Variants in ADAMTS12 observed in about 807,000 individuals in gnomAD.
ADAMTS12 encodes the protein ADAM metallopeptidase with thrombospondin type 1 motif 12, also known as A disintegrin and metalloproteinase with thrombospondin motifs 12.
A neutral mutation model predicts 167.8 loss-of-function variants in ADAMTS12; 118 were observed. The observed-to-expected ratio is 0.70, with a 90% CI of 0.61 to 0.82. The LOEUF is 0.82. Among genes scored for constraint, ADAMTS12 ranks in the 40% least tolerant of loss-of-function variants. ADAMTS12 has a pLI of 0.00. For missense variants in ADAMTS12, 1,916 were observed against 1,998.8 expected (o/e 0.96, Z 0.79); for synonymous variants, 704 against 716.9 (o/e 0.98, Z 0.29).
intron 3 of ADAMTS12, among the ~76,000 whole-genome samples, chr5:33,724,090 G>A (rs76028710): frequency 0.019 from 2,888 of 152,278 alleles, 98 homozygotes; most frequent in African/African-American, 0.067. Context: ...CTCCTATGCT[G>A]TTGACCAACA....
chr5:33,573,603 G>A (rs1746507758), intron 19 of ADAMTS12, among the ~76,000 whole-genome samples: 1 of 152,134 alleles, frequency 6.6e-6, no homozygotes, highest in Non-Finnish European at 1.5e-5. Context: ...ATTCAAGATG[G>A]ATTAAAGACT....
intron 3 of ADAMTS12, among the ~76,000 whole-genome samples, chr5:33,713,355 C>T (rs906607242): frequency 6.6e-6 from 1 of 152,050 alleles, no homozygotes. Context: ...CAGAAACCAC[C>T]AACATACAAA....
At chr5:33,791,542 T>C (rs1235325125) in intron 2 of ADAMTS12, among the ~76,000 whole-genome samples, 2 of 152,198 alleles carry the variant, frequency 1.3e-5, no homozygotes, top group Non-Finnish European at 2.9e-5. Context: ...GCCAATCAGA[T>C]TTTTATCACC....
At chr5:33,889,640 T>A (rs964997068) in intron 1 of ADAMTS12, among the ~76,000 whole-genome samples, 3 of 152,224 alleles carry the variant, frequency 2.0e-5, no homozygotes, top group African/African-American at 4.8e-5. Context: ...TGATTGTGGT[T>A]GGTGAAATGC....
intron 5 of ADAMTS12, among the ~76,000 whole-genome samples, chr5:33,662,809 C>T (rs75873234): frequency 0.031 from 4,787 of 152,302 alleles, 118 homozygotes; most frequent in Non-Finnish European, 0.05. Context: ...ATTTGAATTT[C>T]TAAAGGAGAA....
chr5:33,614,279 T>C lies in ADAMTS12; in HGVS notation c.2486A>G (p.Gln829Arg). 1 of 1,614,140 alleles carries C rather than the reference T, an allele frequency of 6.2e-7. No individual in the cohort carries two copies. Among genetic ancestry groups the C allele is most frequent in the Non-Finnish European group, 8.5e-7 (1 of 1,179,994 alleles). ...NDVEQQMYFW[Q>R]YGHWTECSVT... Reference sequence around the variant, plus strand: ...ACTGCACTCTGTCCAGTGGCCGTACTGCCAGAAGTACATCTGCTGCTCAAC... The same window carrying C: ...ACTGCACTCTGTCCAGTGGCCGTACCGCCAGAAGTACATCTGCTGCTCAAC... The change falls in exon 16 of 24, where the codon CAG becomes CGG. Residue 829 changes from glutamine to arginine, a missense_variant. Gln to Arg is a conservative substitution (Grantham distance 43, BLOSUM62 1). Coordinates refer to ENST00000504830, the MANE Select transcript of ADAMTS12 (RefSeq NM_030955.4).
chr5:33,734,057 T>C (rs937075552), intron 3 of ADAMTS12, among the ~76,000 whole-genome samples: 4 of 149,868 alleles, frequency 2.7e-5, no homozygotes, highest in African/African-American at 7.4e-5. Flanking sequence ...AGTAAGCTCT[T>C]AGCCTCAGGA....
At chr5:33,774,524 AG>A in intron 2 of ADAMTS12, among the ~76,000 whole-genome samples, 1 of 152,316 alleles carries the variant, frequency 6.6e-6, no homozygotes, top group South Asian at 2.1e-4. Flanking sequence ...ACCCACTGAA[AG>A]GCTGTCTAAT....
intron 1 of ADAMTS12, among the ~76,000 whole-genome samples, chr5:33,883,695 G>C (rs72743306): frequency 0.02 from 3,056 of 152,250 alleles, 45 homozygotes; most frequent in Middle Eastern, 0.048. Flanking sequence ...CCATTAAAAT[G>C]GTTTTCCATG....
chr5:33,627,086 AGTGGTGGTGGTG>A (rs1158475839), intron 13 of ADAMTS12, among the ~76,000 whole-genome samples: 1 of 105,280 alleles, frequency 9.5e-6, no homozygotes, highest in African/African-American at 3.8e-5. Flanking sequence ...TGGTGGTGGT[AGTGGTGGTGGTG>A]GTGATGATGG....
At chr5:33,557,419 A>G (rs1226572878) in intron 20 of ADAMTS12, among the ~76,000 whole-genome samples, 2 of 152,176 alleles carry the variant, frequency 1.3e-5, no homozygotes, top group African/African-American at 4.8e-5. Flanking sequence ...GAGAGCATAA[A>G]AGGCCTATCA....
intron 2 of ADAMTS12, among the ~76,000 whole-genome samples, chr5:33,762,202 AT>A (rs1745382578): frequency 6.6e-6 from 1 of 150,962 alleles, no homozygotes; most frequent in Admixed American, 6.6e-5. Context: ...TCTCAAAAAA[AT>A]AATAAAAATA....
chr5:33,615,840 A>C lies in ADAMTS12; in HGVS notation c.2376T>G (p.Ser792=), dbSNP rs372256078. 8 of 1,613,996 alleles carry C rather than the reference A, an allele frequency of 5.0e-6. No individual in the cohort carries two copies. The highest frequency in any genetic ancestry group is 6.8e-6 in the Non-Finnish European group (8 of 1,180,000). ...CTTTCTGCATTACCTGGATCCACAC[A>C]GACTCATTGGTGGGACCTGTGGCCA... ...KLMATGPTNE[S]VWIQLLFQVT... The change falls in exon 15 of 24, where the codon TCT becomes TCG. Residue 792 remains serine (S), a synonymous_variant. Transcript: ENST00000504830.
intron 2 of ADAMTS12, among the ~76,000 whole-genome samples, chr5:33,858,597 G>T (rs138329167): frequency 9.4e-4 from 141 of 150,348 alleles, no homozygotes; most frequent in African/African-American, 3.4e-3. Context: ...GGTTTAGGCT[G>T]CAGTGAGCCA....
chr5:33,557,128 T>C (rs1354064261), intron 20 of ADAMTS12, among the ~76,000 whole-genome samples: 4 of 152,164 alleles, frequency 2.6e-5, no homozygotes. Context: ...GTGGTAGAAG[T>C]TCCTGGTGAG....
rs1268841111 is a variant in ADAMTS12 at position 33,524,988 on chromosome 5, G to A, written c.*2200C>T. 1 of 152,206 alleles carries A rather than the reference G, an allele frequency of 6.6e-6. No homozygotes were observed. The highest frequency in any genetic ancestry group is 1.5e-5 in the Non-Finnish European group (1 of 68,056). 9.4% of individuals were successfully genotyped at this position (152,206 alleles called of 1,614,324 possible). On this transcript the variant is annotated 3_prime_UTR_variant, in exon 24 of 24. Coordinates refer to ENST00000504830, the MANE Select transcript of ADAMTS12 (RefSeq NM_030955.4). ...TAGTTTAGTTGGTTGAGGTCAGTAG[G>A]AATCTGAGTTTGTTCCTGAGTTTTG...
chr5:33,793,391 T>C (rs1746649023), intron 2 of ADAMTS12, among the ~76,000 whole-genome samples: 1 of 152,356 alleles, frequency 6.6e-6, no homozygotes, highest in East Asian at 1.9e-4. Context: ...CTTTATTTTT[T>C]TGATTACTTA....
At chr5:33,672,340 A>G (rs1741741899) in intron 5 of ADAMTS12, among the ~76,000 whole-genome samples, 1 of 151,748 alleles carries the variant, frequency 6.6e-6, no homozygotes, top group Non-Finnish European at 1.5e-5. Context: ...ACACACATAC[A>G]TACACACACA....
intron 2 of ADAMTS12, among the ~76,000 whole-genome samples, chr5:33,864,897 G>A (rs755934305): frequency 1.8e-4 from 28 of 151,974 alleles, no homozygotes; most frequent in Admixed American, 5.9e-4. Context: ...TAGATGACAG[G>A]TTGATGGGTG....
Sources: gnomAD v4.1 joint callset for allele counts (sites outside exome capture counted in the v4.1 genomes callset) on GRCh38, gnomAD v4.1.1 for gene constraint, MANE v1.5 for transcripts, NCBI Gene and HGNC (gene_info 2026-07-23, HGNC 2026-07-21) for gene names.